Variants in CACNA1C observed in about 807,000 individuals in gnomAD.
CACNA1C encodes the protein voltage-dependent L-type calcium channel subunit alpha-1C.
CACNA1C carries 30 observed loss-of-function variants against 229.0 expected under a neutral mutation model. The ratio of observed to expected loss-of-function variants is 0.13; its 90% CI spans 0.10 to 0.18. The LOEUF is 0.18. Among genes scored for constraint, CACNA1C ranks in the 10% least tolerant of loss-of-function variants. CACNA1C has a pLI of 1.00. For synonymous variants in CACNA1C, 1,114 were observed against 1,132.5 expected (o/e 0.98, Z 0.33); for missense variants, 1,658 against 2,845.0 (o/e 0.58, Z 9.49).
At chr12:2,417,643 C>G (rs1278681621) in intron 3 of CACNA1C, among the ~76,000 whole-genome samples, 1 of 152,126 alleles carries the variant, frequency 6.6e-6, no homozygotes, top group Non-Finnish European at 1.5e-5. Context: ...TGCTGTTAAT[C>G]AGAAACATTA....
intron 3 of CACNA1C, among the ~76,000 whole-genome samples, chr12:2,153,749 A>T (rs2095414754): frequency 6.6e-6 from 1 of 152,156 alleles, no homozygotes; most frequent in Non-Finnish European, 1.5e-5. Context: ...TCCTCATTTC[A>T]TCTTTACTTT....
Position 2,610,666 on chromosome 12 carries a change from C to G in CACNA1C, c.3684C>G (p.Leu1228=). 6.2e-7 allele frequency: 1 copy of G among 1,614,232 alleles called. No homozygotes were observed. The highest frequency in any genetic ancestry group is 8.5e-7 in the Non-Finnish European group (1 of 1,180,042). The change falls in exon 28 of 47, where the codon CTC becomes CTG. Residue 1228 remains leucine, a synonymous_variant. Coordinates refer to ENST00000399655, the MANE Select transcript of CACNA1C (RefSeq NM_000719.7). ...ACTTCGAGTACCTGATGTTCGTCCT[C>G]ATCCTGCTCAACACCATCTGCCTGG... ...STYFEYLMFV[L]ILLNTICLAM...
rs1466270827 is a variant in CACNA1C, at chr12:2,573,783, A to C, written c.1895+5989A>C. Among the ~76,000 whole-genome samples, 3 of 152,350 alleles carry C rather than the reference A, an allele frequency of 2.0e-5. No individual in the cohort carries two copies. In the East Asian group the frequency reaches 5.8e-4, roughly 29 times the overall value. ...GTTTCTTTAAAAAATAAAACAAATT[A>C]ATATTGTCCTTGTAACATAATAGCA... On this transcript the variant is annotated intron_variant, in intron 13 of 46. Transcript: ENST00000399655.
intron 3 of CACNA1C, among the ~76,000 whole-genome samples, chr12:2,259,121 A>C (rs2079077298): frequency 6.6e-6 from 1 of 152,212 alleles, no homozygotes; most frequent in Non-Finnish European, 1.5e-5. Context: ...CCATTTAAGG[A>C]AAGGTAGCTT....
chr12:2,364,797 C>T (rs1401303878), intron 3 of CACNA1C, among the ~76,000 whole-genome samples: 1 of 152,078 alleles, frequency 6.6e-6, no homozygotes, highest in African/African-American at 2.4e-5. Flanking sequence ...ACTCAGCCCA[C>T]GGAGGTCAGC....
At chr12:2,016,308 A>G (rs754427527) in intron 1 of CACNA1C, among the ~76,000 whole-genome samples, 8 of 152,228 alleles carry the variant, frequency 5.3e-5, no homozygotes, top group Non-Finnish European at 1.0e-4. Context: ...CAGTACAACA[A>G]AATAAATACA....
chr12:2,510,452 A>G (rs1034683513), intron 8 of CACNA1C, among the ~76,000 whole-genome samples: 2 of 152,158 alleles, frequency 1.3e-5, no homozygotes, highest in Non-Finnish European at 2.9e-5. Context: ...CTCTATGAGG[A>G]AAATTATCTT....
At chr12:2,080,323 C>T (rs1214708574) in intron 1 of CACNA1C, among the ~76,000 whole-genome samples, 5 of 149,084 alleles carry the variant, frequency 3.4e-5, no homozygotes, top group East Asian at 2.0e-4. Context: ...AAGAGATGGC[C>T]GGGCGTGGTG....
At chr12:2,320,615 C>G (rs987555706) in intron 3 of CACNA1C, among the ~76,000 whole-genome samples, 1 of 152,154 alleles carries the variant, frequency 6.6e-6, no homozygotes, top group Non-Finnish European at 1.5e-5. Flanking sequence ...AAGGGGAGGG[C>G]TGGTTTCTCT....
intron 1 of CACNA1C, among the ~76,000 whole-genome samples, chr12:2,075,709 G>A (rs1022170198): frequency 5.3e-5 from 8 of 152,188 alleles, no homozygotes; most frequent in Non-Finnish European, 1.0e-4. Context: ...CAGAAGTGGC[G>A]TCAGTACCAT....
intron 1 of CACNA1C, among the ~76,000 whole-genome samples, chr12:2,094,853 T>A (rs577331306): frequency 6.6e-6 from 1 of 152,292 alleles, no homozygotes; most frequent in East Asian, 1.9e-4. Context: ...TTCCAGGTGC[T>A]CAGCCCTTCC....
intron 9 of CACNA1C, among the ~76,000 whole-genome samples, chr12:2,527,316 G>T (rs534516707): frequency 4.6e-5 from 7 of 152,202 alleles, no homozygotes; most frequent in Non-Finnish European, 8.8e-5. Context: ...AACTGTGCTG[G>T]GACTTGTTTG....
chr12:2,419,022 A>T (rs1470915907), intron 3 of CACNA1C, among the ~76,000 whole-genome samples: 1 of 152,172 alleles, frequency 6.6e-6, no homozygotes, highest in African/African-American at 2.4e-5. Flanking sequence ...ACTAGGAGGG[A>T]GCAAAAGGAT....
rs945321405 is a variant in CACNA1C, at chr12:2,488,943, A to C, written c.916+2681A>C. 6.6e-5 allele frequency among the ~76,000 whole-genome samples: 10 copies of C among 152,202 alleles called. No individual in the cohort carries two copies. Among genetic ancestry groups the C allele is most frequent in the African/African-American group, 2.4e-4 (10 of 41,452 alleles). On this transcript the variant is annotated intron_variant, in intron 6 of 46. Transcript: ENST00000399655. This position sits in a 1 kb window ranked among gnomAD's most constrained non-coding sequence, Gnocchi z 4.0. ...GCTGCTATCAAGCCCTTGTCCACCC[A>C]CAGAGTGGGCAGTGCAGACAAGGAG...
chr12:2,230,048 G>A (rs560174880), intron 3 of CACNA1C, among the ~76,000 whole-genome samples: 1 of 152,336 alleles, frequency 6.6e-6, no homozygotes, highest in African/African-American at 2.4e-5. Context: ...AGCTCCGGCA[G>A]CGATTCCCTC....
At chr12:2,425,421 T>C (rs2099020539) in intron 3 of CACNA1C, among the ~76,000 whole-genome samples, 1 of 152,234 alleles carries the variant, frequency 6.6e-6, no homozygotes, top group African/African-American at 2.4e-5. Context: ...TTCCTGTTTT[T>C]TGGGTGGGTG....
chr12:2,590,131 C>T (rs1219816217), intron 18 of CACNA1C, among the ~76,000 whole-genome samples: 1 of 152,062 alleles, frequency 6.6e-6, no homozygotes, highest in East Asian at 1.9e-4. Context: ...GCCTTGGGCT[C>T]AATACTCTGT....
At chr12:2,071,846 A>C (rs1472716184) in intron 1 of CACNA1C, among the ~76,000 whole-genome samples, 1 of 151,934 alleles carries the variant, frequency 6.6e-6, no homozygotes, top group African/African-American at 2.4e-5. Flanking sequence ...TCCCTTTATA[A>C]TTTCCATTGT....
chr12:2,060,807 C>T (rs1371307228), intron 1 of CACNA1C, among the ~76,000 whole-genome samples: 6 of 152,356 alleles, frequency 3.9e-5, no homozygotes, highest in African/African-American at 1.2e-4. Flanking sequence ...AATCTTGTCT[C>T]CTGTCCTTTA....
Sources: allele counts gnomAD v4.1 joint callset (sites outside exome capture counted in the v4.1 genomes callset), GRCh38; gene constraint gnomAD v4.1.1; non-coding constraint Gnocchi (gnomAD v3.1); transcripts MANE v1.5; gene names NCBI Gene and HGNC (gene_info 2026-07-23, HGNC 2026-07-21).